EDIL3: variants seen among roughly 807,000 people sequenced by gnomAD.
EDIL3 encodes EGF-like repeat and discoidin I-like domain-containing protein 3.
A neutral mutation model predicts 67.4 loss-of-function variants in EDIL3; 37 were observed. That is an observed-to-expected ratio of 0.55 (90% CI 0.42 to 0.72). The LOEUF (loss-of-function observed/expected upper bound fraction) is 0.72, where lower values mean the gene tolerates loss of function less well. Among genes scored for constraint, EDIL3 ranks in the 30% least tolerant of loss-of-function variants. The pLI is 0.00. For missense variants in EDIL3, 527 were observed against 586.3 expected, an observed-to-expected ratio of 0.90 and a Z score of 1.04; for synonymous variants, 195 against 196.3, an observed-to-expected ratio of 0.99 and a Z score of 0.05.
intron 1 of EDIL3, among the ~76,000 whole-genome samples, chr5:84,365,338 A>T (rs752816674): frequency 6.6e-6 from 1 of 152,174 alleles, no homozygotes; most frequent in Non-Finnish European, 1.5e-5. Context: ...ACAAGAACAT[A>T]TTCCAATTGT....
chr5:83,943,308 T>C lies in EDIL3; in HGVS notation c.*111A>G. On this transcript the variant is annotated 3_prime_UTR_variant, in exon 11 of 11. Coordinates refer to ENST00000296591, the MANE Select transcript of EDIL3 (RefSeq NM_005711.5). ...TTGCCTACCATAATTTGAGCACTTT[T>C]TCATGAAAAAAAAAAAAAAACCATT... is the stretch of plus-strand genomic sequence containing the variant. 2 of 1,454,330 alleles carry C rather than the reference T, an allele frequency of 1.4e-6. No homozygotes were observed. Among genetic ancestry groups the C allele is most frequent in the Non-Finnish European group, 1.9e-6 (2 of 1,073,328 alleles). The allele number at this position is 1,454,330 out of a possible 1,614,324, so 90.1% of individuals were successfully genotyped here. A position where few individuals can be genotyped will look rare whatever the true frequency, so the allele number is the denominator to read the frequency against.
At chr5:83,973,951 T>C (rs1580260058) in intron 9 of EDIL3, among the ~76,000 whole-genome samples, 1 of 152,182 alleles carries the variant, frequency 6.6e-6, no homozygotes, top group South Asian at 2.1e-4. Flanking sequence ...TAGGAGGTCC[T>C]TGAAAGTTTG....
intron 1 of EDIL3, among the ~76,000 whole-genome samples, chr5:84,336,094 T>C (rs1377839347): frequency 1.2e-4 from 19 of 152,202 alleles, no homozygotes; most frequent in Non-Finnish European, 4.4e-5. Context: ...TAAATTTCAA[T>C]GCATGAATTT....
At chr5:84,379,262 A>G (rs1428039642) in intron 1 of EDIL3, among the ~76,000 whole-genome samples, 1 of 152,206 alleles carries the variant, frequency 6.6e-6, no homozygotes, top group African/African-American at 2.4e-5. Context: ...ATCAAAATAA[A>G]TTAGTTCAAG....
intron 1 of EDIL3, among the ~76,000 whole-genome samples, chr5:84,372,585 C>T (rs1235558706): frequency 6.6e-6 from 1 of 152,066 alleles, no homozygotes; most frequent in Non-Finnish European, 1.5e-5. Flanking sequence ...TCTTCCTATC[C>T]CCCAGCTGTG....
intron 9 of EDIL3, among the ~76,000 whole-genome samples, chr5:84,037,995 T>G (rs1345591319): frequency 1.1e-5 from 1 of 91,006 alleles, no homozygotes; most frequent in Non-Finnish European, 2.5e-5. Context: ...CTTGTTTTTT[T>G]TTTTTTTTTT....
intron 2 of EDIL3, among the ~76,000 whole-genome samples, chr5:84,241,686 G>GAA (rs200180863): frequency 2.3e-4 from 31 of 135,356 alleles, no homozygotes; most frequent in African/African-American, 8.1e-4. Flanking sequence ...GCACCAACAG[G>GAA]AAAAAAAAAA....
intron 4 of EDIL3, among the ~76,000 whole-genome samples, chr5:84,149,947 A>G (rs1748358415): frequency 6.6e-6 from 1 of 152,150 alleles, no homozygotes; most frequent in African/African-American, 2.4e-5. Flanking sequence ...GGCATCAGTG[A>G]TCAGTGGAAC....
rs568284357 is a variant in EDIL3, at chr5:84,293,688, C to A, written c.68-39476G>T. ...AAAGTGATTAATATAAAAATAAATA[C>A]AGTATTTTGCTTTGCCAGCTGTGGG... On this transcript the variant is annotated intron_variant, in intron 1 of 10. Coordinates refer to ENST00000296591, the MANE Select transcript of EDIL3 (RefSeq NM_005711.5). Among the ~76,000 whole-genome samples, 73 of 151,452 alleles carry A rather than the reference C, an allele frequency of 4.8e-4. 1 individual carries two copies. The highest frequency in any genetic ancestry group is 1.7e-3 in the African/African-American group (68 of 41,114).
chr5:84,234,586 G>C (rs1398455322), intron 2 of EDIL3, among the ~76,000 whole-genome samples: 2 of 152,094 alleles, frequency 1.3e-5, no homozygotes, highest in East Asian at 3.8e-4. Flanking sequence ...AGTGTTTTAA[G>C]TAAACTTTTA....
chr5:84,062,171 GA>G (rs965226775), intron 8 of EDIL3, among the ~76,000 whole-genome samples: 3 of 151,740 alleles, frequency 2.0e-5, no homozygotes, highest in African/African-American at 2.4e-5. Context: ...TATTCTGGGT[GA>G]AAAAAAAGTC....
chr5:84,299,322 T>C (rs1023691692), intron 1 of EDIL3, among the ~76,000 whole-genome samples: 8 of 148,734 alleles, frequency 5.4e-5, no homozygotes, highest in Non-Finnish European at 1.2e-4. Context: ...TTCCCTCTTT[T>C]AGGACTCTCA....
At chr5:84,151,863 A>C (rs1312921101) in intron 4 of EDIL3, among the ~76,000 whole-genome samples, 2 of 151,578 alleles carry the variant, frequency 1.3e-5, no homozygotes, top group African/African-American at 4.8e-5. Context: ...ATTTTCATAC[A>C]GGAACTATGA....
chr5:84,359,643 T>C (rs752052334), intron 1 of EDIL3, among the ~76,000 whole-genome samples: 8 of 152,212 alleles, frequency 5.3e-5, no homozygotes, highest in Non-Finnish European at 1.2e-4. Context: ...AATCTATTAC[T>C]ATATCTAAAG....
At chr5:84,299,916 GA>G (rs1426287223) in intron 1 of EDIL3, among the ~76,000 whole-genome samples, 1 of 152,130 alleles carries the variant, frequency 6.6e-6, no homozygotes, top group Non-Finnish European at 1.5e-5. Context: ...TAACATATTT[GA>G]AACTTGTGTT....
intron 6 of EDIL3, among the ~76,000 whole-genome samples, chr5:84,085,123 T>C (rs887400200): frequency 6.6e-6 from 1 of 152,200 alleles, no homozygotes; most frequent in Non-Finnish European, 1.5e-5. Context: ...GGTTAGAACA[T>C]GCTCCTTTAG....
At position 84,029,367 on chromosome 5, in the gene EDIL3, G is replaced by T. The variant is rs374367739; in HGVS notation, c.1137+30933C>A. On this transcript the variant is annotated intron_variant, in intron 9 of 10. Transcript: ENST00000296591. ...CATGACTTGCTCCTCCTTGCCTTCC[G>T]CAACGATTGTGAGGCCTCCCCAGCC... Among the ~76,000 whole-genome samples the T allele has an allele frequency of 2.6e-5, 4 of 152,172 alleles. No homozygotes were observed. In the East Asian group the frequency reaches 7.7e-4, roughly 29 times the overall value.
rs77483243 is a variant in EDIL3 at position 84,245,737 on chromosome 5, A to G, written c.196+8347T>C. ...GAAGATAAAATCTTTCCAGAGATTA[A>G]TGCTAAATTTGCCACTGTGGCCTAT... is the stretch of plus-strand genomic sequence containing the variant. On this transcript the variant is annotated intron_variant, in intron 2 of 10. Coordinates refer to ENST00000296591, the MANE Select transcript of EDIL3 (RefSeq NM_005711.5). Among the ~76,000 whole-genome samples, 310 of 152,230 alleles carry G rather than the reference A, an allele frequency of 2.0e-3. 1 individual carries two copies. Among genetic ancestry groups the G allele is most frequent in the African/African-American group, 7.1e-3 (297 of 41,554 alleles).
At chr5:84,290,320 TC>T (rs938080538) in intron 1 of EDIL3, among the ~76,000 whole-genome samples, 3 of 152,106 alleles carry the variant, frequency 2.0e-5, no homozygotes, top group African/African-American at 7.2e-5. Flanking sequence ...TCAGTAAGCC[TC>T]CCCGTCTTCC....
Sources: allele counts gnomAD v4.1 joint callset (sites outside exome capture counted in the v4.1 genomes callset), GRCh38; gene constraint gnomAD v4.1.1; transcripts MANE v1.5; gene names NCBI Gene and HGNC (gene_info 2026-07-23, HGNC 2026-07-21).